FBXL17: variants seen among roughly 807,000 people sequenced by gnomAD.
FBXL17 encodes F-box/LRR-repeat protein 17.
Under a neutral mutation model 66.2 loss-of-function variants are expected in FBXL17, and 22 were observed. The observed-to-expected ratio is 0.33, with a 90% CI of 0.24 to 0.47. The LOEUF (loss-of-function observed/expected upper bound fraction) is 0.47, where lower values mean the gene tolerates loss of function less well. Ranked by LOEUF, FBXL17 falls within the 20% of genes least tolerant of loss-of-function variation. The pLI, the probability that FBXL17 is intolerant of heterozygous loss-of-function variation, is 1.00. For missense variants in FBXL17, 878 were observed against 948.2 expected, an observed-to-expected ratio of 0.93 and a Z score of 0.97; for synonymous variants, 474 against 400.5, an observed-to-expected ratio of 1.18 and a Z score of -2.19.
At chr5:108,312,013 C>T (rs1335052849) in intron 4 of FBXL17, among the ~76,000 whole-genome samples, 3 of 152,078 alleles carry the variant, frequency 2.0e-5, no homozygotes, top group African/African-American at 2.4e-5. Context: ...ATACTCTGTC[C>T]AGGTCATTGA....
At chr5:107,933,342 G>T (rs942706255) in intron 7 of FBXL17, among the ~76,000 whole-genome samples, 9 of 152,016 alleles carry the variant, frequency 5.9e-5, no homozygotes, top group African/African-American at 1.9e-4. Context: ...ATTCGGTCTG[G>T]GTATGTGCAT....
At chr5:108,061,345 A>G (rs1158656970) in intron 6 of FBXL17, among the ~76,000 whole-genome samples, 1 of 152,078 alleles carries the variant, frequency 6.6e-6, no homozygotes, top group Non-Finnish European at 1.5e-5. Flanking sequence ...AGCTCTTACA[A>G]ATAATTATCC....
chr5:107,983,003 G>A (rs1752882024), intron 7 of FBXL17, among the ~76,000 whole-genome samples: 1 of 152,108 alleles, frequency 6.6e-6, no homozygotes, highest in Non-Finnish European at 1.5e-5. Context: ...CCATTATCAA[G>A]TCATTCCTTT....
At chr5:107,982,931 A>G (rs1752880142) in intron 7 of FBXL17, among the ~76,000 whole-genome samples, 1 of 152,148 alleles carries the variant, frequency 6.6e-6, no homozygotes. Flanking sequence ...CATGGGGACC[A>G]CACCTAGAAG....
chr5:108,318,034 C>G (rs1158964585), intron 4 of FBXL17, among the ~76,000 whole-genome samples: 2 of 151,392 alleles, frequency 1.3e-5, no homozygotes, highest in African/African-American at 4.8e-5. Flanking sequence ...TATTCCAATG[C>G]CTGTATTTAA....
Position 107,881,153 on chromosome 5 carries a change from T to C in FBXL17, c.1849A>G (p.Met617Val). ...CCGACATCCACAGTCTCTATTGTCA[T>C]GCTGTATCGCCCAATGGCTATCAGT... ...YALIAIGRYS[M>V]TIETVDVGWC... The change falls in exon 8 of 9, where the codon ATG (methionine) becomes GTG (valine). Residue 617 changes from methionine to valine, a missense_variant. By Grantham distance (21) the Met-to-Val change is conservative (BLOSUM62 1). Transcript: ENST00000542267. The C allele has an allele frequency of 6.2e-7, 1 of 1,612,302 alleles. No individual in the cohort carries two copies. Among genetic ancestry groups the C allele is most frequent in the Middle Eastern group, 1.7e-4 (1 of 6,048 alleles).
intron 4 of FBXL17, among the ~76,000 whole-genome samples, chr5:108,318,677 C>T (rs572768834): frequency 1.3e-5 from 2 of 151,934 alleles, no homozygotes; most frequent in South Asian, 2.1e-4. Context: ...GAAAACTAGC[C>T]TAATTTTACA....
chr5:108,063,036 T>C (rs1207512290), intron 6 of FBXL17, among the ~76,000 whole-genome samples: 2 of 152,206 alleles, frequency 1.3e-5, no homozygotes, highest in Non-Finnish European at 2.9e-5. Flanking sequence ...TTTTATCTCA[T>C]ACACTATTAT....
intron 7 of FBXL17, among the ~76,000 whole-genome samples, chr5:107,900,724 G>A (rs1259577265): frequency 6.6e-6 from 1 of 152,038 alleles, no homozygotes; most frequent in Non-Finnish European, 1.5e-5. Flanking sequence ...ATTCCCAAAA[G>A]CTTCTACTTA....
intron 4 of FBXL17, among the ~76,000 whole-genome samples, chr5:108,277,961 A>T (rs1757551245): frequency 6.6e-6 from 1 of 151,904 alleles, no homozygotes; most frequent in Non-Finnish European, 1.5e-5. Context: ...GAAGACCCAA[A>T]TCATGTGTAG....
At position 108,292,183 on chromosome 5, in the gene FBXL17, G is replaced by A. The variant is rs150465848; in HGVS notation, c.1506+56216C>T. Among the ~76,000 whole-genome samples the A allele has an allele frequency of 1.1e-3, 165 of 151,078 alleles. 1 individual carries two copies. The highest frequency in any genetic ancestry group is 3.7e-3 in the African/African-American group (154 of 41,098). On this transcript the variant is annotated intron_variant, in intron 4 of 8. Coordinates refer to ENST00000542267, the MANE Select transcript of FBXL17 (RefSeq NM_001163315.3). ...GTTGCCCAGGCTGGAGTGCAATGGC[G>A]CGATCTTGGCTCACCGCAAGCTCCA...
At chr5:108,242,860 A>G (rs1354025636) in intron 4 of FBXL17, among the ~76,000 whole-genome samples, 1 of 152,174 alleles carries the variant, frequency 6.6e-6, no homozygotes. Flanking sequence ...GAAACTTATG[A>G]AAAAGGAACT....
At chr5:107,879,641 CATACTT>C in intron 8 of FBXL17, 1 of 985,462 alleles carries the variant, frequency 1.0e-6, no homozygotes, top group South Asian at 4.7e-5. Context: ...AGCTTTGGGC[CATACTT>C]CATTTGCCCC....
intron 7 of FBXL17, among the ~76,000 whole-genome samples, chr5:107,960,914 A>T (rs918138360): frequency 5.9e-5 from 9 of 152,224 alleles, no homozygotes; most frequent in African/African-American, 2.2e-4. Flanking sequence ...AAGTAAGTAT[A>T]CATTTTCAGT....
chr5:108,083,410 G>C (rs1748850430), intron 6 of FBXL17, among the ~76,000 whole-genome samples: 1 of 152,078 alleles, frequency 6.6e-6, no homozygotes. Context: ...CCCAGAGTTT[G>C]TTTGTTTTAA....
intron 6 of FBXL17, among the ~76,000 whole-genome samples, chr5:108,061,041 C>G (rs57774581): frequency 1.3e-5 from 2 of 151,986 alleles, no homozygotes; most frequent in African/African-American, 4.8e-5. Flanking sequence ...AATCCCAGCA[C>G]TTTGGGAGGG....
intron 4 of FBXL17, among the ~76,000 whole-genome samples, chr5:108,266,671 C>T (rs1228973208): frequency 6.6e-6 from 1 of 151,974 alleles, no homozygotes; most frequent in African/African-American, 2.4e-5. Context: ...ACTGAGGTTG[C>T]TAAAATCAAT....
At chr5:108,297,639 T>G (rs553848944) in intron 4 of FBXL17, 1 of 171,494 alleles carries the variant, frequency 5.8e-6, no homozygotes, top group Non-Finnish European at 1.2e-5. Context: ...ACTGATCATC[T>G]ATACAAGACT....
chr5:107,900,436 C>G (rs1430595032), intron 7 of FBXL17, among the ~76,000 whole-genome samples: 1 of 152,084 alleles, frequency 6.6e-6, no homozygotes, highest in Non-Finnish European at 1.5e-5. Context: ...TATAAACAAA[C>G]TATTAGTTTA....
Sources: allele counts gnomAD v4.1 joint callset (sites outside exome capture counted in the v4.1 genomes callset), GRCh38; gene constraint gnomAD v4.1.1; transcripts MANE v1.5; gene names NCBI Gene and HGNC (gene_info 2026-07-23, HGNC 2026-07-21).